The following PHLDB2 variants were observed in gnomAD, a reference collection of about 807,000 sequenced individuals.
PHLDB2 encodes the protein pleckstrin homology like domain family B member 2, also known as pleckstrin homology-like domain family B member 2.
A neutral mutation model predicts 123.6 loss-of-function variants in PHLDB2; 71 were observed. The observed-to-expected ratio is 0.57, with a 90% CI of 0.47 to 0.70. The LOEUF is 0.70. Among genes scored for constraint, PHLDB2 ranks in the 30% least tolerant of loss-of-function variants. PHLDB2 has a pLI of 0.00. For synonymous variants in PHLDB2, 547 were observed against 541.6 expected (o/e 1.01, Z -0.14); for missense variants, 1,446 against 1,519.5 (o/e 0.95, Z 0.80).
At chr3:111,791,627 A>G (rs2060931078) in intron 1 of PHLDB2, among the ~76,000 whole-genome samples, 1 of 152,170 alleles carries the variant, frequency 6.6e-6, no homozygotes, top group Non-Finnish European at 1.5e-5. Flanking sequence ...ATGGTTATAA[A>G]ATGCTATTTT....
intron 1 of PHLDB2, among the ~76,000 whole-genome samples, chr3:111,770,886 T>G (rs2060164980): frequency 6.6e-6 from 1 of 152,182 alleles, no homozygotes; most frequent in African/African-American, 2.4e-5. Flanking sequence ...CAGAGAAGAA[T>G]GACCCCAGAA....
In PHLDB2 at chr3:111,827,393, A is replaced by C. The variant is rs201082635; in HGVS notation, c.-48-18428A>C. Reference sequence around the variant, plus strand: ...GTTATGACTCGGTTAAGGAAAGACCAGGCCGGGCGCGGTAGCTCACGCCTG... The same window carrying C: ...GTTATGACTCGGTTAAGGAAAGACCCGGCCGGGCGCGGTAGCTCACGCCTG... On this transcript the variant is annotated intron_variant, in intron 1 of 17. Transcript: ENST00000393923. 7.9e-5 allele frequency among the ~76,000 whole-genome samples: 12 copies of C among 152,282 alleles called. No individual in the cohort carries two copies. The East Asian group carries it at 2.3e-3, about 29-fold the overall frequency.
chr3:111,762,898 G>T (rs781680961), intron 1 of PHLDB2, among the ~76,000 whole-genome samples: 5 of 152,110 alleles, frequency 3.3e-5, no homozygotes, highest in Non-Finnish European at 4.4e-5. Context: ...GAGTTCCAAA[G>T]AATTAATTCT....
intron 1 of PHLDB2, among the ~76,000 whole-genome samples, chr3:111,817,787 A>T (rs1462925266): frequency 6.6e-6 from 1 of 152,178 alleles, no homozygotes; most frequent in Non-Finnish European, 1.5e-5. Context: ...ATAATACCAC[A>T]GTTTAGCTGA....
In PHLDB2 at chr3:111,920,294, T is replaced by C; in HGVS notation, c.1876T>C (p.Cys626Arg). 6.2e-7 allele frequency: 1 copy of C among 1,613,718 alleles called. No individual in the cohort carries two copies. Among genetic ancestry groups the C allele is most frequent in the Non-Finnish European group, 8.5e-7 (1 of 1,179,852 alleles). The part of the protein sequence containing the change: ...DESFRELDME[C>R]ALLDGEQKSE... ...TTTGTGTCCTTAGTTGGATATGGAA[T>C]GTGCTCTTTTGGATGGAGAACAGAA... Residue 626 changes from cysteine to arginine, a missense_variant, in exon 5 of 18, where the codon TGT becomes CGT. Coordinates refer to ENST00000431670, the MANE Select transcript of PHLDB2 (RefSeq NM_001134438.2).
chr3:111,847,726 A>G (rs2064061512), intron 2 of PHLDB2, among the ~76,000 whole-genome samples: 1 of 152,172 alleles, frequency 6.6e-6, no homozygotes, highest in African/African-American at 2.4e-5. Flanking sequence ...GGGCCTAATG[A>G]GGTTCCATCT....
At chr3:111,781,220 T>C (rs563424497) in intron 1 of PHLDB2, among the ~76,000 whole-genome samples, 2 of 152,214 alleles carry the variant, frequency 1.3e-5, no homozygotes, top group Non-Finnish European at 2.9e-5. Context: ...TTATGTCTGA[T>C]GAACTCTATT....
At chr3:111,904,472 G>A (rs1484858899) in intron 2 of PHLDB2, among the ~76,000 whole-genome samples, 1 of 152,086 alleles carries the variant, frequency 6.6e-6, no homozygotes, top group Non-Finnish European at 1.5e-5. Flanking sequence ...TCTCATTCGG[G>A]ATGTCCAGTC....
At chr3:111,899,275 A>T (rs193066268) in intron 2 of PHLDB2, among the ~76,000 whole-genome samples, 5 of 152,290 alleles carry the variant, frequency 3.3e-5, no homozygotes, top group African/African-American at 1.2e-4. Context: ...ATATATTTTT[A>T]AATTTATTTT....
chr3:111,860,265 T>C (rs1257637102), intron 1 of PHLDB2, among the ~76,000 whole-genome samples: 2 of 152,136 alleles, frequency 1.3e-5, no homozygotes, highest in East Asian at 3.9e-4. Flanking sequence ...CGCAAATATT[T>C]GGCTAGCTGC....
chr3:111,805,659 A>G (rs1404449799), intron 1 of PHLDB2, among the ~76,000 whole-genome samples: 1 of 149,830 alleles, frequency 6.7e-6, no homozygotes, highest in Non-Finnish European at 1.5e-5. Context: ...AAGTATACAT[A>G]CTGTCTGATT....
chr3:111,881,888 AC>A (rs2065946637), intron 1 of PHLDB2, among the ~76,000 whole-genome samples: 2 of 151,860 alleles, frequency 1.3e-5, no homozygotes, highest in South Asian at 4.2e-4. Context: ...GGGTAAGGGT[AC>A]CCATGTAGTT....
intron 1 of PHLDB2, among the ~76,000 whole-genome samples, chr3:111,812,601 G>A (rs1047885951): frequency 1.3e-5 from 2 of 152,110 alleles, no homozygotes; most frequent in Non-Finnish European, 2.9e-5. Context: ...CTTAGGATGA[G>A]TTTGCTTAGT....
At chr3:111,738,167 A>C (rs966436120) in intron 1 of PHLDB2, among the ~76,000 whole-genome samples, 3 of 152,220 alleles carry the variant, frequency 2.0e-5, no homozygotes, top group Non-Finnish European at 4.4e-5. Context: ...GACTTCCCAG[A>C]ACGTGACTGT....
At chr3:111,891,725 G>A (rs2066510880) in intron 2 of PHLDB2, among the ~76,000 whole-genome samples, 1 of 152,030 alleles carries the variant, frequency 6.6e-6, no homozygotes, top group African/African-American at 2.4e-5. Flanking sequence ...TGTTCTAGAG[G>A]TTAGAAAAGT....
chr3:111,835,618 G>T (rs973042602), intron 1 of PHLDB2, among the ~76,000 whole-genome samples: 10 of 152,160 alleles, frequency 6.6e-5, no homozygotes, highest in African/African-American at 1.7e-4. Flanking sequence ...CTCCAACTCT[G>T]CAATTTAGCT....
intron 1 of PHLDB2, among the ~76,000 whole-genome samples, chr3:111,835,082 G>A (rs879733531): frequency 6.6e-6 from 1 of 152,076 alleles, no homozygotes; most frequent in Non-Finnish European, 1.5e-5. Flanking sequence ...AAATTTAAGA[G>A]AGAATGAGAG....
chr3:111,863,138 C>T (rs1308985523), intron 1 of PHLDB2, among the ~76,000 whole-genome samples: 2 of 152,148 alleles, frequency 1.3e-5, no homozygotes, highest in African/African-American at 2.4e-5. Context: ...TGCCTGGGTG[C>T]CCCAGTCCCA....
At chr3:111,748,774 G>A (rs1053689314) in intron 1 of PHLDB2, among the ~76,000 whole-genome samples, 2 of 151,914 alleles carry the variant, frequency 1.3e-5, no homozygotes, top group African/African-American at 2.4e-5. Flanking sequence ...CACCCACCTC[G>A]GCCTCCCAAA....
Sources: allele counts gnomAD v4.1 joint callset (sites outside exome capture counted in the v4.1 genomes callset), GRCh38; gene constraint gnomAD v4.1.1; transcripts MANE v1.5; gene names NCBI Gene and HGNC (gene_info 2026-07-23, HGNC 2026-07-21).